ZMYND8: variants seen among roughly 807,000 people sequenced by gnomAD.
ZMYND8 encodes MYND-type zinc finger-containing chromatin reader ZMYND8.
Under a neutral mutation model 140.8 loss-of-function variants are expected in ZMYND8, and 37 were observed. That is an observed-to-expected ratio of 0.26 (90% confidence interval 0.20 to 0.35). The LOEUF is 0.35. Ranked by LOEUF, ZMYND8 falls within the 10% of genes least tolerant of loss-of-function variation. The pLI is 1.00. For missense variants in ZMYND8, 1,068 were observed against 1,570.0 expected (o/e 0.68, Z 5.40); for synonymous variants, 592 against 597.1 (o/e 0.99, Z 0.12).
At chr20:47,285,498 G>A (rs1028097356) in intron 8 of ZMYND8, among the ~76,000 whole-genome samples, 1 of 152,172 alleles carries the variant, frequency 6.6e-6, no homozygotes, top group African/African-American at 2.4e-5. Context: ...ACAGTAAGAT[G>A]CCTACCGTTT....
chr20:47,296,260 C>G (rs2077628181), intron 4 of ZMYND8, among the ~76,000 whole-genome samples: 1 of 152,166 alleles, frequency 6.6e-6, no homozygotes, highest in Non-Finnish European at 1.5e-5. Flanking sequence ...CCCTCTCACC[C>G]CCCACTCCTT....
intron 2 of ZMYND8, among the ~76,000 whole-genome samples, chr20:47,313,868 G>C (rs572877765): frequency 3.3e-5 from 5 of 152,106 alleles, no homozygotes; most frequent in African/African-American, 1.2e-4. Context: ...AGGAGGCAGG[G>C]GTTGCAGTGA....
rs565963913 is a variant in ZMYND8 at position 47,290,483 on chromosome 20, ACT to A, written c.661-211_661-210del. On this transcript the variant is annotated intron_variant, in intron 6 of 22. Transcript: ENST00000471951. ...GAGATCTATAACCCTATAAAAATGC[ACT>A]CTTTGAATTTAACACAATAACTGGA... Among the ~76,000 whole-genome samples the A allele has an allele frequency of 1.2e-4, 18 of 151,716 alleles. No individual in the cohort carries two copies. In the South Asian group the frequency reaches 3.7e-3, roughly 32 times the overall value.
Position 47,220,166 on chromosome 20 carries a change from A to C in ZMYND8, c.3484+92T>G, listed in dbSNP as rs1028687966. Reference sequence around the variant, plus strand: ...TCCATAATCGTTTGGAAACCATTGGAATAAACCCTTCAAATTCTCCCTGAC... The same window carrying C: ...TCCATAATCGTTTGGAAACCATTGGCATAAACCCTTCAAATTCTCCCTGAC... On this transcript the variant is annotated intron_variant, in intron 21 of 22. Coordinates refer to ENST00000471951, the MANE Select transcript of ZMYND8 (RefSeq NM_001281775.3). 6.0e-6 allele frequency: 7 copies of C among 1,164,206 alleles called. No homozygotes were observed. The African/African-American group carries it at 9.5e-5, about 16-fold the overall frequency. 72.1% of individuals were successfully genotyped at this position (1,164,206 alleles called of 1,614,324 possible).
At chr20:47,221,211 G>A (rs2036888659) in intron 20 of ZMYND8, 103 bp downstream of exon 20, 1 of 1,470,026 alleles carries the variant, frequency 6.8e-7, no homozygotes, top group Non-Finnish European at 9.2e-7. Context: ...GTTAGGACAA[G>A]CCTCCCACAA....
chr20:47,232,496 C>T (rs911176413), intron 16 of ZMYND8, among the ~76,000 whole-genome samples: 1 of 151,936 alleles, frequency 6.6e-6, no homozygotes, highest in African/African-American at 2.4e-5. Flanking sequence ...GAGTGGCCAG[C>T]CTGGGCACCA....
rs529291086 is a variant in ZMYND8, at chr20:47,238,840, C to A, written c.2583G>T (p.Gln861His). 6.2e-7 allele frequency: 1 copy of A among 1,613,078 alleles called. No homozygotes were observed. The highest frequency in any genetic ancestry group is 1.7e-5 in the Admixed American group (1 of 60,026). ...GCTGGTTTTGCTGCTGCTGCTGCTG[C>A]TGCTGACGCTGCATCTTCTGCATGT... is the stretch of plus-strand genomic sequence containing the variant. The part of the protein sequence containing the change: ...KWHMQKMQRQ[Q>H]QQQQQQNQQQ... The change falls in exon 15 of 23, where the codon CAG (glutamine) becomes CAT (histidine). Residue 861 changes from glutamine to histidine, a missense_variant. This residue lies in a region of ZMYND8 where 383 missense variants were observed against 431.2 expected (regional missense o/e 0.89). Coordinates refer to ENST00000471951, the MANE Select transcript of ZMYND8 (RefSeq NM_001281775.3).
intron 2 of ZMYND8, among the ~76,000 whole-genome samples, chr20:47,313,438 T>C (rs6018408): frequency 0.34 from 51,718 of 150,990 alleles, 12,183 homozygotes; most frequent in African/African-American, 0.67. Flanking sequence ...CTGGCTAACA[T>C]GGTGAAACCC....
chr20:47,290,289 G>C lies in ZMYND8; in HGVS notation c.661-15C>G. 6.2e-7 allele frequency: 1 copy of C among 1,611,854 alleles called. No individual in the cohort carries two copies. Among genetic ancestry groups the C allele is most frequent in the Non-Finnish European group, 8.5e-7 (1 of 1,178,824 alleles). On this transcript the variant is annotated splice_polypyrimidine_tract_variant and intron_variant, in intron 6 of 22. Transcript: ENST00000471951. ...TTTTTCGCATTCTGGGAAGAAAAGC[G>C]ATGGAGCATAATCACAGTGAGTCTA...
At chr20:47,303,781 C>T (rs73910834) in intron 3 of ZMYND8, among the ~76,000 whole-genome samples, 8,334 of 152,216 alleles carry the variant, frequency 0.055, 741 homozygotes, top group African/African-American at 0.19. Context: ...TGATAGTAGC[C>T]GAGGTACTGA....
chr20:47,257,250 T>C (rs1405007248), intron 12 of ZMYND8, among the ~76,000 whole-genome samples: 1 of 152,086 alleles, frequency 6.6e-6, no homozygotes, highest in Non-Finnish European at 1.5e-5. Context: ...TTATACCATA[T>C]AGTCATATAC....
In ZMYND8 at chr20:47,298,686, G is replaced by T; in HGVS notation, c.453+43C>A. Reference sequence around the variant, plus strand: ...AAATAAAAGGAAGAAAGAGAAAGGAGAGGAAACGAGGCAGGTAATGCATTC... The same window carrying T: ...AAATAAAAGGAAGAAAGAGAAAGGATAGGAAACGAGGCAGGTAATGCATTC... On this transcript the variant is annotated intron_variant, in intron 4 of 22. Coordinates refer to ENST00000471951, the MANE Select transcript of ZMYND8 (RefSeq NM_001281775.3). This position sits in a 1 kb window ranked among gnomAD's most constrained non-coding sequence, Gnocchi z 5.0. 1 of 1,575,412 alleles carries T rather than the reference G, an allele frequency of 6.3e-7. No individual in the cohort carries two copies. Among genetic ancestry groups the T allele is most frequent in the Non-Finnish European group, 8.6e-7 (1 of 1,157,948 alleles).
intron 2 of ZMYND8, among the ~76,000 whole-genome samples, chr20:47,337,668 T>C (rs1285750193): frequency 1.3e-5 from 2 of 152,214 alleles, no homozygotes; most frequent in South Asian, 2.1e-4. Flanking sequence ...TATCATGCCA[T>C]GAAGTACTCA....
chr20:47,286,967 G>A (rs979474596), intron 8 of ZMYND8, among the ~76,000 whole-genome samples: 1 of 152,148 alleles, frequency 6.6e-6, no homozygotes, highest in African/African-American at 2.4e-5. Context: ...AAGACAGGAG[G>A]CCCGGTGCTT....
At chr20:47,283,144 C>CT in intron 9 of ZMYND8, among the ~76,000 whole-genome samples, 1 of 152,244 alleles carries the variant, frequency 6.6e-6, no homozygotes, top group Non-Finnish European at 1.5e-5. Flanking sequence ...ACTAGGGTGA[C>CT]TTTATTTCCC....
intron 2 of ZMYND8, among the ~76,000 whole-genome samples, chr20:47,335,508 A>G (rs1180524075): frequency 2.6e-5 from 4 of 152,220 alleles, no homozygotes; most frequent in Non-Finnish European, 1.5e-5. Flanking sequence ...AGAACAATGA[A>G]GGAATGACGA....
intron 22 of ZMYND8, 90 bp from the exon 23 acceptor site, chr20:47,210,987 G>A (rs2035163993): frequency 1.3e-6 from 2 of 1,528,362 alleles, no homozygotes; most frequent in African/African-American, 2.7e-5. Context: ...TCCTGCACAG[G>A]AAACCACCTT....
At chr20:47,267,559 C>T (rs1001754131) in intron 11 of ZMYND8, among the ~76,000 whole-genome samples, 1 of 152,168 alleles carries the variant, frequency 6.6e-6, no homozygotes, top group Admixed American at 6.5e-5. Flanking sequence ...ATGGAGACCC[C>T]GTAAGCACTT....
intron 1 of ZMYND8, among the ~76,000 whole-genome samples, chr20:47,349,641 G>A (rs1238777129): frequency 6.6e-6 from 1 of 152,226 alleles, no homozygotes; most frequent in Non-Finnish European, 1.5e-5. Flanking sequence ...AGCCCTCGGA[G>A]ATGGGTAGAC....
Sources: gnomAD v4.1 joint callset for allele counts (sites outside exome capture counted in the v4.1 genomes callset) on GRCh38, gnomAD v4.1.1 for gene constraint, gnomAD v4.1.1 regional missense constraint, Gnocchi (gnomAD v3.1) non-coding constraint, MANE v1.5 for transcripts, NCBI Gene and HGNC (gene_info 2026-07-23, HGNC 2026-07-21) for gene names.